SLCO2A1: variants seen among roughly 807,000 people sequenced by gnomAD.
SLCO2A1 encodes the protein solute carrier organic anion transporter family member 2A1.
A neutral mutation model predicts 71.7 loss-of-function variants in SLCO2A1; 60 were observed. That is an observed-to-expected ratio of 0.84 (90% CI 0.68 to 1.04). SLCO2A1 has a LOEUF of 1.04. Among genes scored for constraint, SLCO2A1 ranks in the 50% least tolerant of loss-of-function variants. The pLI is 0.00. For synonymous variants in SLCO2A1, 308 were observed against 326.7 expected, an observed-to-expected ratio of 0.94 and a Z score of 0.62; for missense variants, 745 against 813.4, an observed-to-expected ratio of 0.92 and a Z score of 1.02.
intron 1 of SLCO2A1, among the ~76,000 whole-genome samples, chr3:133,983,496 G>C (rs1219793720): frequency 2.0e-5 from 3 of 152,226 alleles, no homozygotes; most frequent in Non-Finnish European, 2.9e-5. Flanking sequence ...GTTTTGGATT[G>C]TTCTGGTATG....
At chr3:133,938,085 C>G (rs1214840857) in intron 12 of SLCO2A1, among the ~76,000 whole-genome samples, 1 of 152,238 alleles carries the variant, frequency 6.6e-6, no homozygotes, top group Non-Finnish European at 1.5e-5. Flanking sequence ...AGCCGCTGCT[C>G]TGGCTTGGCA....
intron 8 of SLCO2A1, among the ~76,000 whole-genome samples, chr3:133,947,936 T>C (rs2108041907): frequency 6.6e-6 from 1 of 152,312 alleles, no homozygotes; most frequent in Non-Finnish European, 1.5e-5. Context: ...TGGGTTGGGT[T>C]GGGCCCAGTG....
At chr3:134,018,853 T>A (rs1935513918) in intron 1 of SLCO2A1, among the ~76,000 whole-genome samples, 1 of 151,852 alleles carries the variant, frequency 6.6e-6, no homozygotes, top group African/African-American at 2.4e-5. Context: ...GATCTCTGCT[T>A]CTTAAGATTC....
In SLCO2A1 at chr3:134,001,845, T is replaced by A. The variant is rs1935109176; in HGVS notation, c.97-22227A>T. ...GCTCCTCTCCTATCAGAAAACCGTG[T>A]TTAGATGACAGCAACAAGAACTTCC... On this transcript the variant is annotated intron_variant, in intron 1 of 13. Coordinates refer to ENST00000310926, the MANE Select transcript of SLCO2A1 (RefSeq NM_005630.3). Among the ~76,000 whole-genome samples the A allele has an allele frequency of 2.0e-5, 3 of 152,100 alleles. No homozygotes were observed. In the South Asian group the frequency reaches 6.2e-4, roughly 32 times the overall value.
intron 2 of SLCO2A1, among the ~76,000 whole-genome samples, chr3:133,976,509 A>G (rs1206646275): frequency 6.6e-6 from 1 of 152,284 alleles, no homozygotes; most frequent in Non-Finnish European, 1.5e-5. Flanking sequence ...CAGGTGTTAC[A>G]GCTAATGTTG....
intron 1 of SLCO2A1, among the ~76,000 whole-genome samples, chr3:133,997,118 T>C (rs2108067578): frequency 6.6e-6 from 1 of 152,264 alleles, no homozygotes; most frequent in South Asian, 2.1e-4. Flanking sequence ...CTCCTGGATA[T>C]GTCCATCCTC....
At chr3:134,007,624 C>A (rs539884783) in intron 1 of SLCO2A1, among the ~76,000 whole-genome samples, 53 of 152,286 alleles carry the variant, frequency 3.5e-4, no homozygotes, top group Middle Eastern at 3.4e-3. Context: ...TAGAGACAAA[C>A]CCCTGCTGAC....
intron 13 of SLCO2A1, 23 bp downstream of exon 13, chr3:133,935,751 A>G: frequency 6.4e-7 from 1 of 1,558,808 alleles, no homozygotes. Context: ...GCTCTGGGAC[A>G]CACATACATG....
chr3:134,023,741 T>C lies in SLCO2A1; in HGVS notation c.96+5966A>G, dbSNP rs149126991. Among the ~76,000 whole-genome samples the C allele has an allele frequency of 3.1e-3, 475 of 152,316 alleles. 2 individuals are homozygous for C. The highest frequency in any genetic ancestry group is 0.011 in the African/African-American group (442 of 41,568). ...GATGCAAATGCTTGGTTAAAATGGA[T>C]CAAATATTCCATCTGCACGTTAAAC... On this transcript the variant is annotated intron_variant, in intron 1 of 13. Coordinates refer to ENST00000310926, the MANE Select transcript of SLCO2A1 (RefSeq NM_005630.3).
rs1933181007 is a variant in SLCO2A1 at position 133,933,126 on chromosome 3, CAAG to C, written c.*1584_*1586del. The stretch of plus-strand genomic sequence containing the variant: ...CAGTATGCTTCTGGAGGGGGTCTTC[CAAG>C]AAGGGTGGCACTTAAGGGTCATGAA... On this transcript the variant is annotated 3_prime_UTR_variant, in exon 14 of 14. Coordinates refer to ENST00000310926, the MANE Select transcript of SLCO2A1 (RefSeq NM_005630.3). The C allele has an allele frequency of 6.6e-6, 1 of 152,078 alleles. No individual in the cohort carries two copies. Among genetic ancestry groups the C allele is most frequent in the Non-Finnish European group, 1.5e-5 (1 of 68,054 alleles). 9.4% of individuals were successfully genotyped at this position (152,078 alleles called of 1,614,324 possible).
At chr3:134,019,964 C>T (rs1177485967) in intron 1 of SLCO2A1, among the ~76,000 whole-genome samples, 2 of 152,062 alleles carry the variant, frequency 1.3e-5, no homozygotes, top group African/African-American at 4.8e-5. Flanking sequence ...GAAATGAAAT[C>T]CACAAGCAGA....
At chr3:133,990,694 T>C (rs1934821755) in intron 1 of SLCO2A1, among the ~76,000 whole-genome samples, 1 of 152,166 alleles carries the variant, frequency 6.6e-6, no homozygotes. Flanking sequence ...CACAACTCAT[T>C]CTTGGTCCTG....
At chr3:134,026,955 C>CTT (rs1935711433) in intron 1 of SLCO2A1, among the ~76,000 whole-genome samples, 1 of 152,168 alleles carries the variant, frequency 6.6e-6, no homozygotes, top group African/African-American at 2.4e-5. Flanking sequence ...ATTTAAAACT[C>CTT]TAATAATAAG....
intron 1 of SLCO2A1, among the ~76,000 whole-genome samples, chr3:134,012,032 C>T (rs924686618): frequency 8.5e-5 from 13 of 152,280 alleles, no homozygotes; most frequent in African/African-American, 3.1e-4. Context: ...TGCCACAAAG[C>T]CTGAGACACT....
chr3:133,945,036 G>A (rs1933529527), intron 10 of SLCO2A1, 59 bp downstream of exon 10: 1 of 1,551,564 alleles, frequency 6.4e-7, no homozygotes, highest in African/African-American at 1.4e-5. Context: ...TTGAGGGCAT[G>A]CGCTGAGCTC....
chr3:133,942,850 T>G, intron 10 of SLCO2A1, 82 bp from the exon 11 acceptor site: 1 of 1,392,688 alleles, frequency 7.2e-7, no homozygotes, highest in Non-Finnish European at 9.6e-7. Flanking sequence ...CACCAGCTCT[T>G]GTTGGAGACT....
At chr3:134,021,468 T>C (rs1461938970) in intron 1 of SLCO2A1, among the ~76,000 whole-genome samples, 1 of 152,068 alleles carries the variant, frequency 6.6e-6, no homozygotes. Context: ...TTCCTGTACA[T>C]AGACACTTGG....
At chr3:134,024,746 G>A (rs1023557450) in intron 1 of SLCO2A1, among the ~76,000 whole-genome samples, 2 of 152,192 alleles carry the variant, frequency 1.3e-5, no homozygotes, top group Non-Finnish European at 2.9e-5. Context: ...CGCTCCCCAT[G>A]CTGTGGTAAC....
rs546498144 is a variant in SLCO2A1, at chr3:133,934,542, A to G, written c.*171T>C. 3 of 548,436 alleles carry G rather than the reference A, an allele frequency of 5.5e-6. No homozygotes were observed. The highest frequency in any genetic ancestry group is 3.8e-5 in the African/African-American group (2 of 52,516). 34.0% of individuals were successfully genotyped at this position (548,436 alleles called of 1,614,324 possible). ...CCCGGGTACACAGTGGCCCTTAGGA[A>G]CTGTGGGGAGGACTCTGGGAGGAAG... is the stretch of plus-strand genomic sequence containing the variant. On this transcript the variant is annotated 3_prime_UTR_variant, in exon 14 of 14. Transcript: ENST00000310926.
Sources: gnomAD v4.1 joint callset for allele counts (sites outside exome capture counted in the v4.1 genomes callset) on GRCh38, gnomAD v4.1.1 for gene constraint, MANE v1.5 for transcripts, NCBI Gene and HGNC (gene_info 2026-07-23, HGNC 2026-07-21) for gene names.